ZNF592: variants seen among roughly 807,000 people sequenced by gnomAD.
ZNF592 encodes the protein zinc finger protein 592.
In ZNF592, 11 loss-of-function variants were observed where a neutral mutation model predicts 80.3. The observed-to-expected ratio is 0.14, with a 90% CI of 0.09 to 0.23. ZNF592 has a LOEUF of 0.23. Among genes scored for constraint, ZNF592 ranks in the 10% least tolerant of loss-of-function variants. The probability of loss-of-function intolerance (pLI) is 1.00; values close to 1 mark genes in which losing one functional copy is unlikely to be tolerated. For synonymous variants in ZNF592, 646 were observed against 640.3 expected, an observed-to-expected ratio of 1.01 and a Z score of -0.13; for missense variants, 1,420 against 1,633.9, an observed-to-expected ratio of 0.87 and a Z score of 2.26.
chr15:84,772,340 CTTGTCTGCTTCCA>C (rs1962105345), intron 2 of ZNF592, among the ~76,000 whole-genome samples: 1 of 152,148 alleles, frequency 6.6e-6, no homozygotes, highest in African/African-American at 2.4e-5. Flanking sequence ...TGACTTTCCC[CTTGTCTGCTTCCA>C]TTCCTGGTAT....
chr15:84,787,149 C>A (rs959197796), intron 4 of ZNF592, among the ~76,000 whole-genome samples: 2 of 152,074 alleles, frequency 1.3e-5, no homozygotes, highest in African/African-American at 4.8e-5. Flanking sequence ...ATCACACCCG[C>A]CTCCTTGTGC....
chr15:84,756,532 G>A lies in ZNF592; in HGVS notation c.-259+7868G>A, dbSNP rs145331451. 3.9e-3 allele frequency among the ~76,000 whole-genome samples: 594 copies of A among 152,314 alleles called. 2 individuals are homozygous for A. The highest frequency in any genetic ancestry group is 0.014 in the African/African-American group (565 of 41,564). On this transcript the variant is annotated intron_variant, in intron 1 of 10. Coordinates refer to ENST00000560079, the MANE Select transcript of ZNF592 (RefSeq NM_014630.3). ...GAGGCAGAGCTTTGGCATTTTCAGA[G>A]AAGGGGGCCCAGGGGTGGGCACTGA...
chr15:84,798,318 C>T lies in ZNF592; in HGVS notation c.2580C>T (p.Leu860=), dbSNP rs191880900. ...CCCCTAGGGCTTGTCTCATCAGGCTCATTTATAAGTGCTCCTGTGAAATGG... is the reference window on the plus strand; with the variant it reads ...CCCCTAGGGCTTGTCTCATCAGGCTTATTTATAAGTGCTCCTGTGAAATGG... ...HPTQPHRPSQ[L]IYKCSCEMVF... is the part of the protein sequence containing the mutation. The change falls in exon 7 of 11, where the codon CTC becomes CTT. Residue 860 remains leucine, a synonymous_variant. Transcript: ENST00000560079. The surrounding 1 kb of genome is among the most constrained non-coding windows in gnomAD (Gnocchi z 4.5). The T allele has an allele frequency of 3.7e-6, 6 of 1,614,182 alleles. No homozygotes were observed. In the Admixed American group the frequency reaches 5.0e-5, roughly 13 times the overall value.
At chr15:84,763,487 A>G (rs1899411076) in intron 1 of ZNF592, among the ~76,000 whole-genome samples, 1 of 152,190 alleles carries the variant, frequency 6.6e-6, no homozygotes, top group Non-Finnish European at 1.5e-5. Context: ...CAGCAGACCT[A>G]AGACACCCCT....
intron 5 of ZNF592, 118 bp from the exon 6 acceptor site, chr15:84,797,751 G>A: frequency 8.6e-7 from 1 of 1,157,442 alleles, no homozygotes; most frequent in Non-Finnish European, 1.3e-6. Context: ...GATTGAGGGA[G>A]GGAGAAGGTG....
intron 4 of ZNF592, among the ~76,000 whole-genome samples, chr15:84,786,841 CT>C (rs35391255): frequency 2.2e-3 from 156 of 70,838 alleles, no homozygotes; most frequent in African/African-American, 6.3e-3. Flanking sequence ...CCTTACGTAT[CT>C]TTTTTTTTTT....
chr15:84,773,242 C>T (rs148352412), intron 2 of ZNF592, among the ~76,000 whole-genome samples: 7,460 of 142,228 alleles, frequency 0.052, 248 homozygotes, highest in East Asian at 0.084. Flanking sequence ...GACGGAGTCT[C>T]GCTCTGTCGG....
chr15:84,784,975 AT>A lies in ZNF592; in HGVS notation c.2220+82del. On this transcript the variant is annotated intron_variant, in intron 4 of 10. Transcript: ENST00000560079. This position sits in a 1 kb window ranked among gnomAD's most constrained non-coding sequence, Gnocchi z 5.8. ...TGACTGGGCATGGAGAGGAAAGCTC[AT>A]TGATATGGGGGCAGTGGTGGAATCT... 1 of 1,469,122 alleles carries A rather than the reference AT, an allele frequency of 6.8e-7. No homozygotes were observed. The allele number at this position is 1,469,122 out of a possible 1,614,324, so 91.0% of individuals were successfully genotyped here.
At chr15:84,762,690 A>G (rs1899386740) in intron 1 of ZNF592, among the ~76,000 whole-genome samples, 1 of 152,166 alleles carries the variant, frequency 6.6e-6, no homozygotes, top group South Asian at 2.1e-4. Flanking sequence ...AGGAGACTTC[A>G]GCTGCTCTGA....
At chr15:84,758,595 A>T (rs559565287) in intron 1 of ZNF592, among the ~76,000 whole-genome samples, 1 of 151,962 alleles carries the variant, frequency 6.6e-6, no homozygotes, top group African/African-American at 2.4e-5. Context: ...ATTATTCTTA[A>T]TTAGCATGTG....
chr15:84,792,677 T>C (rs1198375535), intron 5 of ZNF592, among the ~76,000 whole-genome samples: 1 of 152,092 alleles, frequency 6.6e-6, no homozygotes, highest in East Asian at 1.9e-4. Flanking sequence ...GTCACATAAC[T>C]CCTGGGCTCA....
chr15:84,771,316 G>T (rs1157971450), intron 2 of ZNF592, among the ~76,000 whole-genome samples: 18 of 152,278 alleles, frequency 1.2e-4, no homozygotes, highest in Admixed American at 1.1e-3. Flanking sequence ...ACTCAGAGAA[G>T]GCATCAGAAG....
chr15:84,784,950 TG>T lies in ZNF592; in HGVS notation c.2220+56del. On this transcript the variant is annotated intron_variant, in intron 4 of 10. Transcript: ENST00000560079. This position sits in a 1 kb window ranked among gnomAD's most constrained non-coding sequence, Gnocchi z 5.8. Reference sequence around the variant, plus strand: ...GGGCCCCTGGCTCACACAGGTTCCATGACTGGGCATGGAGAGGAAAGCTCAT... The same window carrying T: ...GGGCCCCTGGCTCACACAGGTTCCATACTGGGCATGGAGAGGAAAGCTCAT... The T allele has an allele frequency of 6.3e-7, 1 of 1,598,792 alleles. No homozygotes were observed. Among genetic ancestry groups the T allele is most frequent in the Non-Finnish European group, 8.6e-7 (1 of 1,166,972 alleles).
At chr15:84,793,680 A>G (rs1962813555) in intron 5 of ZNF592, among the ~76,000 whole-genome samples, 1 of 152,198 alleles carries the variant, frequency 6.6e-6, no homozygotes, top group African/African-American at 2.4e-5. Flanking sequence ...GAAACCTCAT[A>G]TCCACCACTT....
chr15:84,793,874 T>C (rs538861560), intron 5 of ZNF592, among the ~76,000 whole-genome samples: 2 of 152,216 alleles, frequency 1.3e-5, no homozygotes, highest in African/African-American at 2.4e-5. Context: ...GGATACACCA[T>C]GTTTTGTTTA....
intron 5 of ZNF592, among the ~76,000 whole-genome samples, chr15:84,793,138 A>G (rs1196764626): frequency 1.3e-5 from 2 of 152,002 alleles, no homozygotes; most frequent in African/African-American, 2.4e-5. Context: ...GTGCAGTGGC[A>G]GCATCTTGGC....
In ZNF592 at chr15:84,784,589, C is replaced by T. The variant is rs749181105; in HGVS notation, c.1914C>T (p.Asp638=). The change falls in exon 4 of 11, where the codon GAC becomes GAT. Residue 638 remains aspartate, a synonymous_variant. Transcript: ENST00000560079. The surrounding 1 kb of genome is among the most constrained non-coding windows in gnomAD (Gnocchi z 5.8). ...GCAGCCTGCTCCGGCACGCCCGTGA[C>T]CACAAGAGCAAGGGGCTCGTCATGC... ...NKCSLLRHAR[D]HKSKGLVMQC... is the part of the protein sequence containing the mutation. 3 of 1,614,208 alleles carry T rather than the reference C, an allele frequency of 1.9e-6. No homozygotes were observed. The Admixed American group carries it at 5.0e-5, about 27-fold the overall frequency.
At chr15:84,759,050 G>T (rs1462430601) in intron 1 of ZNF592, among the ~76,000 whole-genome samples, 1 of 152,114 alleles carries the variant, frequency 6.6e-6, no homozygotes, top group African/African-American at 2.4e-5. Flanking sequence ...TATGCCCTTT[G>T]CCTTGCTAAA....
At chr15:84,781,554 G>C (rs1309361851) in intron 3 of ZNF592, among the ~76,000 whole-genome samples, 1 of 152,096 alleles carries the variant, frequency 6.6e-6, no homozygotes, top group African/African-American at 2.4e-5. Context: ...CCTAAAGTTT[G>C]CCACTTTTCT....
Sources: gnomAD v4.1 joint callset for allele counts (sites outside exome capture counted in the v4.1 genomes callset) on GRCh38, gnomAD v4.1.1 for gene constraint, Gnocchi (gnomAD v3.1) non-coding constraint, MANE v1.5 for transcripts, NCBI Gene and HGNC (gene_info 2026-07-23, HGNC 2026-07-21) for gene names.